Variants in LILRB3 observed in about 807,000 individuals in gnomAD.
LILRB3 encodes leukocyte immunoglobulin-like receptor subfamily B member 3.
A neutral mutation model predicts 68.2 loss-of-function variants in LILRB3; 32 were observed. The ratio of observed to expected loss-of-function variants is 0.47; its 90% CI spans 0.35 to 0.63. LILRB3 has a LOEUF of 0.63. Ranked by LOEUF, LILRB3 falls within the 30% of genes least tolerant of loss-of-function variation. The pLI, the probability that LILRB3 is intolerant of heterozygous loss-of-function variation, is 0.00. For missense variants in LILRB3, 502 were observed against 791.3 expected (o/e 0.63, Z 4.39); for synonymous variants, 185 against 323.1 (o/e 0.57, Z 4.58).
In LILRB3 at chr19:54,218,748, T is replaced by C. The variant is rs778343509; in HGVS notation, c.1502+15A>G. ...TGTGGTGGGTGGGAGTCTGTGGTCT[T>C]TGGGGCAGAATTACCTCCTCAGCAG... is the stretch of plus-strand genomic sequence containing the variant. On this transcript the variant is annotated intron_variant, in intron 9 of 12. Transcript: ENST00000445347. The C allele has an allele frequency of 6.6e-5, 107 of 1,613,914 alleles. No homozygotes were observed. Among genetic ancestry groups the C allele is most frequent in the Non-Finnish European group, 8.8e-5 (104 of 1,180,006 alleles).
At chr19:54,217,568 A>T (rs989392286) in intron 11 of LILRB3, 94 bp from the exon 12 acceptor site, 9 of 1,450,496 alleles carry the variant, frequency 6.2e-6, no homozygotes, top group Non-Finnish European at 8.4e-6. Context: ...ATCCGATTAC[A>T]TCCCTTTCCT....
In LILRB3 at chr19:54,216,645, C is replaced by T. The variant is rs376415000; in HGVS notation, c.*448G>A. On this transcript the variant is annotated 3_prime_UTR_variant, in exon 13 of 13. Coordinates refer to ENST00000445347, the Ensembl canonical transcript of LILRB3. ...TCTTAATTTTCCCATGTCATAAGTTCGATGTATAATATTTACATTATCATT... is the reference window on the plus strand; with the variant it reads ...TCTTAATTTTCCCATGTCATAAGTTTGATGTATAATATTTACATTATCATT... 9.6e-5 allele frequency: 98 copies of T among 1,020,174 alleles called. No homozygotes were observed. The Middle Eastern group carries it at 2.0e-3, about 21-fold the overall frequency. The allele number at this position is 1,020,174 out of a possible 1,614,324, so 63.2% of individuals were successfully genotyped here.
At chr19:54,217,161 G>A in exon 13 of LILRB3, 10 of 1,614,050 alleles carry the variant, frequency 6.2e-6, no homozygotes, top group Non-Finnish European at 8.5e-6. Flanking sequence ...GATGGAGGAG[G>A]CTCAGTTGCC....
exon 13 of LILRB3, chr19:54,216,874 T>A: frequency 7.0e-7 from 1 of 1,429,858 alleles, no homozygotes; most frequent in Non-Finnish European, 9.1e-7. Context: ...TGTTATTAAC[T>A]CATTGATTGT....
Position 54,219,515 on chromosome 19 carries a change from C to A in LILRB3, c.1310-270G>T, listed in dbSNP as rs538251670. 4.7e-5 allele frequency: 73 copies of A among 1,550,256 alleles called. No individual in the cohort carries two copies. The East Asian group carries it at 8.1e-4, about 17-fold the overall frequency. Reference sequence around the variant, plus strand: ...GCAGCCCTTGTTCCTGCACCAGAGCCGAGACCCGGAGCTGCAGGGAAAGAG... The same window carrying A: ...GCAGCCCTTGTTCCTGCACCAGAGCAGAGACCCGGAGCTGCAGGGAAAGAG... On this transcript the variant is annotated intron_variant, in intron 7 of 12. Transcript: ENST00000445347.
At position 54,218,979 on chromosome 19, in the gene LILRB3, A is replaced by G. The variant is rs71365437; in HGVS notation, c.1427-141T>C. 2,527 of 1,526,090 alleles carry G rather than the reference A, an allele frequency of 1.7e-3. 5 individuals are homozygous for G. The highest frequency in any genetic ancestry group is 2.0e-3 in the Non-Finnish European group (2,284 of 1,133,242). 94.5% of individuals were successfully genotyped at this position (1,526,090 alleles called of 1,614,324 possible). A position where few individuals can be genotyped will look rare whatever the true frequency, so the allele number is the denominator to read the frequency against. On this transcript the variant is annotated intron_variant, in intron 8 of 12. Transcript: ENST00000445347. ...TTTTATGAGATAGAAAAAAACTCCC[A>G]TGAATACTGAAGTTTGTAAATGCGT...
At chr19:54,216,993 G>A (rs1261394682) in exon 13 of LILRB3, 89 of 1,596,566 alleles carry the variant, frequency 5.6e-5, no homozygotes, top group Non-Finnish European at 7.3e-5. Flanking sequence ...TAGGGGTCCA[G>A]GCTGACTGGG....
At chr19:54,221,254 G>T in exon 5 of LILRB3, 4 of 1,590,944 alleles carry the variant, frequency 2.5e-6, no homozygotes, top group Non-Finnish European at 3.4e-6. Context: ...AGGAAGTCAC[G>T]TTCCCCCTCC....
chr19:54,219,622 C>A (rs1250578547), intron 7 of LILRB3: 4 of 1,519,768 alleles, frequency 2.6e-6, no homozygotes, highest in Middle Eastern at 2.2e-4. Flanking sequence ...GGGACAGGCC[C>A]CTGTGGAATC....
intron 10 of LILRB3, 100 bp from the exon 11 acceptor site, chr19:54,218,513 G>A: frequency 1.2e-6 from 2 of 1,603,374 alleles, no homozygotes; most frequent in Admixed American, 3.4e-5. Flanking sequence ...CGAATGCAGG[G>A]AGGTCCCACA....
At chr19:54,219,572 C>T (rs920435272) in intron 7 of LILRB3, 6 of 1,548,504 alleles carry the variant, frequency 3.9e-6, no homozygotes, top group South Asian at 3.6e-5. Flanking sequence ...CCCTGCTCCC[C>T]TCCCCTGCCC....
exon 8 of LILRB3, chr19:54,219,219 T>A: frequency 6.3e-7 from 1 of 1,595,522 alleles, no homozygotes. Flanking sequence ...GAGACCCCAA[T>A]CAAAACCTCC....
Position 54,222,911 on chromosome 19 carries a change from C to G in LILRB3, c.34+32G>C, listed in dbSNP as rs532004818. 21,295 of 1,603,904 alleles carry G rather than the reference C, an allele frequency of 0.013. 754 individuals are homozygous for G. The African/African-American group carries it at 0.24, about 18-fold the overall frequency. On this transcript the variant is annotated intron_variant, in intron 1 of 12. Transcript: ENST00000445347. ...TGTGGGGTGGGGTTCCTCCAAGACT[C>G]GGATCTCCCCCTCCCCATCTTGAAA...
At chr19:54,222,754 C>T in exon 2 of LILRB3, 1 of 1,612,566 alleles carries the variant, frequency 6.2e-7, no homozygotes, top group Non-Finnish European at 8.5e-7. Flanking sequence ...CACCTGCCTG[C>T]ATGCGGGTCC....
chr19:54,222,889 G>A (rs1314138478), intron 1 of LILRB3, 54 bp downstream of exon 1: 1 of 1,612,580 alleles, frequency 6.2e-7, no homozygotes, highest in Non-Finnish European at 8.5e-7. Flanking sequence ...GCTTGTGTGT[G>A]GGGTGGGGTT....
chr19:54,220,950 C>A, intron 5 of LILRB3, 120 bp from the exon 6 acceptor site: 1 of 1,016,006 alleles, frequency 9.8e-7, no homozygotes. Context: ...CTCCCCTCCC[C>A]CCATCCCCTG....
chr19:54,216,580 G>A (rs1024608906), exon 13 of LILRB3: 2 of 996,938 alleles, frequency 2.0e-6, no homozygotes, highest in Admixed American at 1.0e-4. Flanking sequence ...AAAGTGCTGA[G>A]ATTATAGGCG....
intron 10 of LILRB3, 70 bp downstream of exon 10, chr19:54,218,575 C>T (rs2077725687): frequency 1.2e-6 from 2 of 1,611,778 alleles, no homozygotes; most frequent in East Asian, 2.2e-5. Context: ...CCAGCCCCTC[C>T]CTGTTGCTAC....
chr19:54,219,519 A>G, intron 7 of LILRB3: 1 of 1,549,166 alleles, frequency 6.5e-7, no homozygotes, highest in Non-Finnish European at 8.7e-7. Context: ...CAGAGCCGAG[A>G]CCCGGAGCTG....
Sources: gnomAD v4.1 joint callset for allele counts on GRCh38, gnomAD v4.1.1 for gene constraint, MANE v1.5 for transcripts, NCBI Gene and HGNC (gene_info 2026-07-23, HGNC 2026-07-21) for gene names.